Variants in TRAF2 observed in about 807,000 individuals in gnomAD.
The protein encoded by TRAF2 is TNF receptor-associated factor 2.
TRAF2 carries 6 observed loss-of-function variants against 55.6 expected under a neutral mutation model. That is an observed-to-expected ratio of 0.11 (90% CI 0.06 to 0.21). TRAF2 has a LOEUF of 0.21. Among genes scored for constraint, TRAF2 ranks in the 10% least tolerant of loss-of-function variants. The pLI, the probability that TRAF2 is intolerant of heterozygous loss-of-function variation, is 1.00. For missense variants in TRAF2, 561 were observed against 684.5 expected (o/e 0.82, Z 2.01); for synonymous variants, 329 against 276.3 (o/e 1.19, Z -1.89).
intron 7 of TRAF2, among the ~76,000 whole-genome samples, chr9:136,917,821 C>G (rs1211523030): frequency 6.6e-6 from 1 of 152,182 alleles, no homozygotes; most frequent in Non-Finnish European, 1.5e-5. Context: ...GACGTGGCAT[C>G]TGCCATCTCT....
intron 1 of TRAF2, among the ~76,000 whole-genome samples, chr9:136,887,951 C>T (rs1037222897): frequency 6.6e-6 from 1 of 152,102 alleles, no homozygotes; most frequent in African/African-American, 2.4e-5. Context: ...CTCACTGCAG[C>T]CTCCGCCTCC....
At chr9:136,882,235 C>A (rs2097477330), upstream of TRAF2, among the ~76,000 whole-genome samples, 1 of 152,202 alleles carries the variant, frequency 6.6e-6, no homozygotes, top group African/African-American at 2.4e-5. Context: ...ATCCACAGAG[C>A]CCTGCTGGGC....
chr9:136,887,523 C>T (rs1412576723), intron 1 of TRAF2, among the ~76,000 whole-genome samples: 1 of 152,090 alleles, frequency 6.6e-6, no homozygotes, highest in African/African-American at 2.4e-5. Flanking sequence ...GGTGGGGTGT[C>T]TGGCAGCCGG....
chr9:136,925,599 G>T (rs1850511199), intron 10 of TRAF2, 84 bp from the exon 11 acceptor site: 3 of 1,390,368 alleles, frequency 2.2e-6, no homozygotes, highest in Non-Finnish European at 3.0e-6. Flanking sequence ...TCCTGCTGGT[G>T]GCCCTGCCAG....
intron 4 of TRAF2, among the ~76,000 whole-genome samples, chr9:136,905,827 G>A (rs1390569791): frequency 6.6e-6 from 1 of 152,096 alleles, no homozygotes; most frequent in African/African-American, 2.4e-5. Flanking sequence ...CTCTACCGCC[G>A]GGCGCGGTGG....
intron 6 of TRAF2, among the ~76,000 whole-genome samples, chr9:136,915,280 C>T (rs760341973): frequency 1.5e-4 from 23 of 152,246 alleles, no homozygotes; most frequent in African/African-American, 3.6e-4. Context: ...GTGTCAGGCT[C>T]CCCGTCCGCA....
At chr9:136,887,741 TCTC>T (rs771317534) in intron 1 of TRAF2, among the ~76,000 whole-genome samples, 13 of 152,186 alleles carry the variant, frequency 8.5e-5, no homozygotes, top group South Asian at 2.1e-4. Context: ...AGGTTCAAGA[TCTC>T]CTCTTCTACC....
chr9:136,894,047 CTTT>C (rs11415604), intron 1 of TRAF2, among the ~76,000 whole-genome samples: 1 of 116,826 alleles, frequency 8.6e-6, no homozygotes. Context: ...TGCGCCTGGC[CTTT>C]TTTTTTTTTT....
At chr9:136,898,194 G>A (rs576671009) in intron 1 of TRAF2, among the ~76,000 whole-genome samples, 74 of 152,246 alleles carry the variant, frequency 4.9e-4, no homozygotes, top group Admixed American at 1.7e-3. Context: ...CTGGTCTGGC[G>A]GCATGGCTCT....
At chr9:136,919,210 G>A (rs1850322664) in intron 7 of TRAF2, among the ~76,000 whole-genome samples, 1 of 149,862 alleles carries the variant, frequency 6.7e-6, no homozygotes, top group Admixed American at 6.6e-5. Context: ...ACAGACATGT[G>A]CCACCATGCC....
At chr9:136,925,570 C>A in intron 10 of TRAF2, 113 bp from the exon 11 acceptor site, 1 of 1,117,850 alleles carries the variant, frequency 8.9e-7, no homozygotes, top group Non-Finnish European at 1.3e-6. Flanking sequence ...CAGCCTCTGG[C>A]CTGGGTCCTG....
At chr9:136,899,979 C>A (rs1457814072) in intron 3 of TRAF2, among the ~76,000 whole-genome samples, 1 of 151,950 alleles carries the variant, frequency 6.6e-6, no homozygotes, top group Non-Finnish European at 1.5e-5. Context: ...CAGCCTGGCG[C>A]ACATGGTGAA....
intron 1 of TRAF2, among the ~76,000 whole-genome samples, chr9:136,895,850 GAAAA>G (rs56199191): frequency 0.016 from 2,156 of 132,872 alleles, 47 homozygotes; most frequent in Admixed American, 0.036. Flanking sequence ...TCTGTTTAAG[GAAAA>G]AAAAAAAAAA....
intron 5 of TRAF2, 26 bp downstream of exon 5, chr9:136,908,257 T>C: frequency 6.5e-7 from 1 of 1,541,940 alleles, no homozygotes; most frequent in South Asian, 1.2e-5. Context: ...CAGCAGCCTG[T>C]GTGGCTGCAG....
At chr9:136,891,700 G>GA (rs1399382866) in intron 1 of TRAF2, among the ~76,000 whole-genome samples, 1 of 151,186 alleles carries the variant, frequency 6.6e-6, no homozygotes, top group Non-Finnish European at 1.5e-5. Flanking sequence ...GTGACATTGG[G>GA]AAAAAAGAAC....
intron 4 of TRAF2, among the ~76,000 whole-genome samples, chr9:136,906,561 G>A (rs866534298): frequency 6.6e-6 from 1 of 152,166 alleles, no homozygotes; most frequent in Admixed American, 6.5e-5. Flanking sequence ...AACACATGGG[G>A]ATTATGGGAG....
At chr9:136,919,328 C>T (rs1330125805) in intron 7 of TRAF2, among the ~76,000 whole-genome samples, 8 of 95,328 alleles carry the variant, frequency 8.4e-5, no homozygotes, top group Admixed American at 1.6e-4. Flanking sequence ...GACAGAGTTT[C>T]GCTCTTGTTG....
chr9:136,895,338 G>GCTTC, intron 1 of TRAF2, among the ~76,000 whole-genome samples: 1 of 152,272 alleles, frequency 6.6e-6, no homozygotes, highest in East Asian at 1.9e-4. Context: ...GTGACCTAAG[G>GCTTC]CTTCCGGGAC....
intron 4 of TRAF2, among the ~76,000 whole-genome samples, chr9:136,904,964 G>A (rs1691284840): frequency 6.6e-6 from 1 of 152,212 alleles, no homozygotes; most frequent in African/African-American, 2.4e-5. Context: ...GGAGGGCTGG[G>A]CCCATGTTCC....
Sources: allele counts gnomAD v4.1 joint callset (sites outside exome capture counted in the v4.1 genomes callset), GRCh38; gene constraint gnomAD v4.1.1; transcripts MANE v1.5; gene names NCBI Gene and HGNC (gene_info 2026-07-23, HGNC 2026-07-21).